The following PTPRD variants were observed in gnomAD, a reference collection of about 807,000 sequenced individuals.
PTPRD encodes the protein receptor-type tyrosine-protein phosphatase delta.
Under a neutral mutation model 214.5 loss-of-function variants are expected in PTPRD, and 34 were observed. The ratio of observed to expected loss-of-function variants is 0.16; its 90% CI spans 0.12 to 0.21. PTPRD has a LOEUF of 0.21. PTPRD is among the 10% of genes least tolerant of loss of function. The pLI, the probability that PTPRD is intolerant of heterozygous loss-of-function variation, is 1.00. For missense variants in PTPRD, 2,545 were observed against 2,398.7 expected (o/e 1.06, Z -1.27); for synonymous variants, 1,128 against 845.7 (o/e 1.33, Z -5.79).
At chr9:9,245,585 C>T (rs2099972660) in intron 9 of PTPRD, among the ~76,000 whole-genome samples, 1 of 149,786 alleles carries the variant, frequency 6.7e-6, no homozygotes, top group Non-Finnish European at 1.5e-5. Context: ...CACTTGGACA[C>T]AGGAAGGGGA....
intron 2 of PTPRD, among the ~76,000 whole-genome samples, chr9:10,491,422 T>C (rs1407448014): frequency 2.0e-5 from 3 of 152,298 alleles, no homozygotes; most frequent in African/African-American, 7.2e-5. Flanking sequence ...CTGTATTTTA[T>C]AGTCTACTTG....
intron 14 of PTPRD, among the ~76,000 whole-genome samples, chr9:8,632,028 C>T (rs1256110290): frequency 2.0e-5 from 3 of 151,528 alleles, no homozygotes; most frequent in African/African-American, 7.3e-5. Flanking sequence ...CAATACTTTC[C>T]CTGCAACTTA....
chr9:9,222,745 G>A (rs1289338528), intron 9 of PTPRD, among the ~76,000 whole-genome samples: 2 of 151,978 alleles, frequency 1.3e-5, no homozygotes, highest in Non-Finnish European at 2.9e-5. Context: ...ATCAATAGAT[G>A]TTGTTTACAG....
intron 9 of PTPRD, among the ~76,000 whole-genome samples, chr9:9,256,405 T>C (rs2099977715): frequency 1.3e-5 from 2 of 152,122 alleles, no homozygotes; most frequent in African/African-American, 4.8e-5. Flanking sequence ...CCTTACATTT[T>C]TTTTCTCTCT....
chr9:9,340,087 A>G (rs993453710), intron 9 of PTPRD, among the ~76,000 whole-genome samples: 2 of 152,158 alleles, frequency 1.3e-5, no homozygotes, highest in African/African-American at 4.8e-5. Flanking sequence ...ACTCTAGGAA[A>G]GAGTGAAAAA....
chr9:9,239,838 A>G (rs1320170773), intron 9 of PTPRD, among the ~76,000 whole-genome samples: 1 of 152,124 alleles, frequency 6.6e-6, no homozygotes, highest in African/African-American at 2.4e-5. Context: ...CTTGTGCTCT[A>G]TCCCTGGTAT....
chr9:8,536,966 A>G (rs919368126), intron 14 of PTPRD, among the ~76,000 whole-genome samples: 1 of 152,052 alleles, frequency 6.6e-6, no homozygotes, highest in African/African-American at 2.4e-5. Flanking sequence ...GTATCAGGCT[A>G]CAAACAAGGA....
chr9:9,247,405 A>G (rs1254880690), intron 9 of PTPRD, among the ~76,000 whole-genome samples: 1 of 152,066 alleles, frequency 6.6e-6, no homozygotes, highest in Admixed American at 6.6e-5. Context: ...TTAAGTCTTC[A>G]TTCTGAAGGC....
intron 4 of PTPRD, among the ~76,000 whole-genome samples, chr9:9,954,649 G>T (rs1161895519): frequency 2.0e-5 from 3 of 151,734 alleles, no homozygotes; most frequent in Non-Finnish European, 4.4e-5. Context: ...ACTATAATAG[G>T]TACATAACAA....
intron 7 of PTPRD, among the ~76,000 whole-genome samples, chr9:9,695,992 G>A: frequency 6.6e-6 from 1 of 151,932 alleles, no homozygotes; most frequent in East Asian, 1.9e-4. Context: ...TAAATATTGG[G>A]AGAATTCAGC....
intron 44 of PTPRD, among the ~76,000 whole-genome samples, chr9:8,321,514 T>C (rs1827987504): frequency 7.8e-6 from 1 of 127,978 alleles, no homozygotes. Flanking sequence ...TATATATATA[T>C]ATATATATAT....
intron 6 of PTPRD, among the ~76,000 whole-genome samples, chr9:9,747,640 A>G (rs996810436): frequency 7.4e-5 from 11 of 149,622 alleles, no homozygotes; most frequent in Admixed American, 4.0e-4. Flanking sequence ...TTCGTCTCGC[A>G]GGTTCACACA....
At chr9:9,104,386 G>C (rs1483374499) in intron 10 of PTPRD, among the ~76,000 whole-genome samples, 2 of 152,202 alleles carry the variant, frequency 1.3e-5, no homozygotes, top group East Asian at 1.9e-4. Flanking sequence ...AAGGTAAGTA[G>C]ACAGGAAGAT....
intron 11 of PTPRD, among the ~76,000 whole-genome samples, chr9:8,836,950 T>C (rs892790028): frequency 1.3e-5 from 2 of 150,516 alleles, no homozygotes; most frequent in African/African-American, 4.9e-5. Context: ...CCCCAATACC[T>C]ACCATTAATA....
chr9:10,314,012 T>G (rs542445866), intron 3 of PTPRD, among the ~76,000 whole-genome samples: 1 of 151,892 alleles, frequency 6.6e-6, no homozygotes, highest in African/African-American at 2.4e-5. Flanking sequence ...TAAATGGACG[T>G]GATGATACAG....
intron 7 of PTPRD, among the ~76,000 whole-genome samples, chr9:9,728,990 G>C (rs2098139124): frequency 6.6e-6 from 1 of 152,018 alleles, no homozygotes; most frequent in Non-Finnish European, 1.5e-5. Flanking sequence ...TGGTACTGCA[G>C]GTTATTTGGT....
intron 11 of PTPRD, among the ~76,000 whole-genome samples, chr9:8,840,276 G>A (rs2097533132): frequency 6.6e-6 from 1 of 152,110 alleles, no homozygotes; most frequent in Non-Finnish European, 1.5e-5. Context: ...AATCATGAGG[G>A]CAGGTTTTTC....
At chr9:8,640,211 G>A (rs1485155984) in intron 12 of PTPRD, among the ~76,000 whole-genome samples, 2 of 152,112 alleles carry the variant, frequency 1.3e-5, no homozygotes, top group Non-Finnish European at 2.9e-5. Flanking sequence ...TTACAAGTGT[G>A]AGCCATCACG....
At chr9:9,047,000 A>G (rs1027085721) in intron 10 of PTPRD, among the ~76,000 whole-genome samples, 3 of 152,136 alleles carry the variant, frequency 2.0e-5, no homozygotes, top group Non-Finnish European at 4.4e-5. Context: ...AGATGGTATG[A>G]TCTTATATTT....
Sources: allele counts gnomAD v4.1 joint callset (sites outside exome capture counted in the v4.1 genomes callset), GRCh38; gene constraint gnomAD v4.1.1; transcripts MANE v1.5; gene names NCBI Gene and HGNC (gene_info 2026-07-23, HGNC 2026-07-21).